The following SLC11A2 variants were observed in gnomAD, a reference collection of about 807,000 sequenced individuals.
The protein encoded by SLC11A2 is solute carrier family 11 member 2, also known as natural resistance-associated macrophage protein 2.
In SLC11A2, 38 loss-of-function variants were observed where a neutral mutation model predicts 68.0. The observed-to-expected ratio is 0.56, with a 90% CI of 0.43 to 0.73. The LOEUF (loss-of-function observed/expected upper bound fraction) is 0.73. SLC11A2 is among the 30% of genes least tolerant of loss of function. The pLI is 0.00. For synonymous variants in SLC11A2, 242 were observed against 250.6 expected, an observed-to-expected ratio of 0.97 and a Z score of 0.32; for missense variants, 517 against 690.5, an observed-to-expected ratio of 0.75 and a Z score of 2.82.
chr12:51,010,770 G>C lies in SLC11A2; in HGVS notation c.-38-4C>G. ...GCTGAGTTCTTAGAATATGATTCTG[G>C]AAAGGAGAAAAGTGAGGGAGAAGAA... On this transcript the variant is annotated splice_polypyrimidine_tract_variant and splice_region_variant and intron_variant, in intron 1 of 15. Coordinates refer to ENST00000262052, the MANE Select transcript of SLC11A2 (RefSeq NM_000617.3). 1 of 1,579,014 alleles carries C rather than the reference G, an allele frequency of 6.3e-7. No homozygotes were observed. Among genetic ancestry groups the C allele is most frequent in the Non-Finnish European group, 8.7e-7 (1 of 1,152,172 alleles).
the SLC11A2 span, among the ~76,000 whole-genome samples, chr12:50,952,790 T>C: frequency 0.48 from 72,503 of 151,994 alleles, 18,288 homozygotes; most frequent in South Asian, 0.65. Context: ...GGCTAGGGCG[T>C]GTTTCCGAAG....
In SLC11A2 at chr12:51,026,369, G is replaced by T. The variant is rs912627149; in HGVS notation, c.-98C>A. ...CCGCGCCCAGGGCTCCATATTCCGGGAGCCAGCGCCACGCTGGCTAACGCC... is the reference window on the plus strand; with the variant it reads ...CCGCGCCCAGGGCTCCATATTCCGGTAGCCAGCGCCACGCTGGCTAACGCC... On this transcript the variant is annotated 5_prime_UTR_variant, in exon 1 of 16. Coordinates refer to ENST00000262052, the MANE Select transcript of SLC11A2 (RefSeq NM_000617.3). The T allele has an allele frequency of 5.5e-6, 7 of 1,282,400 alleles. No homozygotes were observed. The highest frequency in any genetic ancestry group is 1.0e-6 in the Non-Finnish European group (1 of 984,918). The allele number at this position is 1,282,400 out of a possible 1,614,324, so 79.4% of individuals were successfully genotyped here.
At chr12:51,019,644 C>A (rs944152319) in intron 1 of SLC11A2, among the ~76,000 whole-genome samples, 1 of 135,750 alleles carries the variant, frequency 7.4e-6, no homozygotes, top group Non-Finnish European at 1.6e-5. Flanking sequence ...ATCCATCCAA[C>A]TTTTTTTTTT....
Position 51,026,374 on chromosome 12 carries a change from A to G in SLC11A2, c.-103T>C. On this transcript the variant is annotated 5_prime_UTR_variant, in exon 1 of 16. Transcript: ENST00000262052. ...CCCAGGGCTCCATATTCCGGGAGCCAGCGCCACGCTGGCTAACGCCCTCCC... is the reference window on the plus strand; with the variant it reads ...CCCAGGGCTCCATATTCCGGGAGCCGGCGCCACGCTGGCTAACGCCCTCCC... 7.8e-7 allele frequency: 1 copy of G among 1,280,540 alleles called. No individual in the cohort carries two copies. Among genetic ancestry groups the G allele is most frequent in the Non-Finnish European group, 1.0e-6 (1 of 983,230 alleles). The allele number at this position is 1,280,540 out of a possible 1,614,324, so 79.3% of individuals were successfully genotyped here. A position where few individuals can be genotyped will look rare whatever the true frequency, so the allele number is the denominator to read the frequency against.
At chr12:51,012,491 C>T (rs1374510656) in intron 1 of SLC11A2, among the ~76,000 whole-genome samples, 1 of 152,198 alleles carries the variant, frequency 6.6e-6, no homozygotes, top group Non-Finnish European at 1.5e-5. Context: ...TGAAGCCTCG[C>T]TTAATGATCT....
At chr12:51,027,233 G>C (rs1275242943), upstream of SLC11A2, among the ~76,000 whole-genome samples, 2 of 151,936 alleles carry the variant, frequency 1.3e-5, no homozygotes, top group Non-Finnish European at 2.9e-5. Context: ...CCAGCTACTC[G>C]GGGGCTGAGG....
downstream of SLC11A2, chr12:50,981,697 T>A: frequency 6.9e-7 from 1 of 1,451,896 alleles, no homozygotes; most frequent in Non-Finnish European, 9.3e-7. Context: ...TAGAAAAACA[T>A]GTTCTTATAG....
Position 50,994,539 on chromosome 12 carries a change from C to T in SLC11A2, c.1077+5G>A, listed in dbSNP as rs1319952418. Reference sequence around the variant, plus strand: ...AACAAAGATCACAAATCCAAACATGCTTACCCCTTTGTAGATGTCCACAGC... The same window carrying T: ...AACAAAGATCACAAATCCAAACATGTTTACCCCTTTGTAGATGTCCACAGC... On this transcript the variant is annotated splice_donor_5th_base_variant and intron_variant, in intron 11 of 15. Coordinates refer to ENST00000262052, the MANE Select transcript of SLC11A2 (RefSeq NM_000617.3). 1.9e-6 allele frequency: 3 copies of T among 1,581,250 alleles called. No homozygotes were observed. The highest frequency in any genetic ancestry group is 2.6e-6 in the Non-Finnish European group (3 of 1,149,874).
Position 50,995,694 on chromosome 12 carries a change from T to C in SLC11A2, c.925A>G (p.Ile309Val), listed in dbSNP as rs1941638421. ...ACTGAGACAACAAAGACATTGATGA[T>C]GAAGGAAACAAAGAGTGCAATGCAG... ...ESCIALFVSF[I>V]INVFVVSVFA... The change falls in exon 10 of 16, where the codon ATC becomes GTC. Residue 309 changes from isoleucine (I) to valine (V), a missense_variant. Transcript: ENST00000262052. 2 of 1,614,054 alleles carry C rather than the reference T, an allele frequency of 1.2e-6. No homozygotes were observed. Among genetic ancestry groups the C allele is most frequent in the Admixed American group, 1.7e-5 (1 of 60,008 alleles).
chr12:51,000,606 G>A, intron 5 of SLC11A2, 187 bp from the exon 6 acceptor site: 1 of 619,452 alleles, frequency 1.6e-6, no homozygotes, highest in Non-Finnish European at 2.9e-6. Context: ...ACCTGGAGAA[G>A]GAAAAGTGTG....
At chr12:51,006,030 C>G (rs1199170644) in intron 3 of SLC11A2, 1 of 236,142 alleles carries the variant, frequency 4.2e-6, no homozygotes, top group Admixed American at 5.1e-5. Context: ...ACAGTGGTTC[C>G]TGCATGTAAT....
chr12:51,006,052 G>A (rs1364835944), intron 3 of SLC11A2: 3 of 218,030 alleles, frequency 1.4e-5, no homozygotes, highest in South Asian at 1.4e-4. Flanking sequence ...CCAGCACTTT[G>A]GGAGGCCAAG....
rs113781620 is a variant in SLC11A2, at chr12:50,996,532, C to T, written c.831+285G>A. 5.1e-3 allele frequency among the ~76,000 whole-genome samples: 763 copies of T among 150,528 alleles called. 7 individuals are homozygous for T. The highest frequency in any genetic ancestry group is 0.018 in the African/African-American group (721 of 40,858). The stretch of plus-strand genomic sequence containing the variant: ...AGAGGTTTGCAGTGAGTAGAGATCA[C>T]GCCACTGCACTCCAGCCTGGGCAAT... On this transcript the variant is annotated intron_variant, in intron 9 of 15. Coordinates refer to ENST00000262052, the MANE Select transcript of SLC11A2 (RefSeq NM_000617.3).
At chr12:50,983,636 G>A (rs193055913), downstream of SLC11A2, among the ~76,000 whole-genome samples, 1 of 152,202 alleles carries the variant, frequency 6.6e-6, no homozygotes, top group Non-Finnish European at 1.5e-5. Flanking sequence ...TCAGGAGTTC[G>A]AGAGCAGCCT....
downstream of SLC11A2, chr12:50,979,557 C>G: frequency 4.0e-6 from 1 of 252,530 alleles, no homozygotes; most frequent in East Asian, 9.6e-5. Flanking sequence ...ATAAAGAAAC[C>G]AAAAACACTT....
rs1308360659 is a variant in SLC11A2 at position 51,002,561 on chromosome 12, C to G, written c.430-2142G>C. On this transcript the variant is annotated intron_variant, in intron 5 of 15. Transcript: ENST00000262052. ...AGCTGAGACAGGAGAATCGCTTGAA[C>G]CTGGGAGGTTGAGGTTATAGTAAGC... 2.2e-5 allele frequency among the ~76,000 whole-genome samples: 3 copies of G among 137,236 alleles called. No individual in the cohort carries two copies. In the East Asian group the frequency reaches 6.7e-4, roughly 31 times the overall value. 90.0% of individuals were successfully genotyped at this position (137,236 alleles called of 152,430 possible). A position where few individuals can be genotyped will look rare whatever the true frequency, so the allele number is the denominator to read the frequency against.
the SLC11A2 span, among the ~76,000 whole-genome samples, chr12:50,952,508 G>C: frequency 1.3e-5 from 2 of 152,118 alleles, no homozygotes; most frequent in Non-Finnish European, 2.9e-5. Flanking sequence ...GGGGCCCCAA[G>C]GCTACAAGGT....
the SLC11A2 span, among the ~76,000 whole-genome samples, chr12:50,959,895 C>A: frequency 6.6e-6 from 1 of 152,188 alleles, no homozygotes; most frequent in East Asian, 1.9e-4. Flanking sequence ...AGTGATCCAC[C>A]CGCCTCAACC....
intron 14 of SLC11A2, chr12:50,991,359 GA>G (rs1366588794): frequency 1.7e-6 from 1 of 573,692 alleles, no homozygotes; most frequent in African/African-American, 1.9e-5. Context: ...TTCAGTGGCT[GA>G]AGCTGAAGAG....
Sources: allele counts gnomAD v4.1 joint callset (sites outside exome capture counted in the v4.1 genomes callset), GRCh38; gene constraint gnomAD v4.1.1; transcripts MANE v1.5; gene names NCBI Gene and HGNC (gene_info 2026-07-23, HGNC 2026-07-21).